The following LUC7L3 variants were observed in gnomAD, a reference collection of about 807,000 sequenced individuals.
The protein encoded by LUC7L3 is luc7-like protein 3.
LUC7L3 carries 6 observed loss-of-function variants against 66.8 expected under a neutral mutation model. That is an observed-to-expected ratio of 0.09 (90% CI 0.05 to 0.18). The LOEUF (loss-of-function observed/expected upper bound fraction) is 0.18. Among genes scored for constraint, LUC7L3 ranks in the 10% least tolerant of loss-of-function variants. LUC7L3 has a pLI of 1.00. For synonymous variants in LUC7L3, 160 were observed against 174.7 expected (o/e 0.92, Z 0.66); for missense variants, 341 against 531.1 (o/e 0.64, Z 3.52).
Position 50,736,823 on chromosome 17 carries a change from T to C in LUC7L3, c.100-137T>C, listed in dbSNP as rs1970014213. 4.8e-6 allele frequency: 3 copies of C among 626,118 alleles called. No individual in the cohort carries two copies. The South Asian group carries it at 5.8e-5, about 12-fold the overall frequency. The allele number at this position is 626,118 out of a possible 1,614,324, so 38.8% of individuals were successfully genotyped here. A position where few individuals can be genotyped will look rare whatever the true frequency, so the allele number is the denominator to read the frequency against. The stretch of plus-strand genomic sequence containing the variant: ...CTGAAAATCACTAATTTACCTAATA[T>C]GATTCAACAAATGAAATTCTTACAT... On this transcript the variant is annotated intron_variant, in intron 1 of 9. Coordinates refer to ENST00000505658, the MANE Select transcript of LUC7L3 (RefSeq NM_016424.5).
chr17:50,736,838 A>G, intron 1 of LUC7L3, 122 bp from the exon 2 acceptor site: 2 of 649,390 alleles, frequency 3.1e-6, no homozygotes, highest in Non-Finnish European at 5.4e-6. Flanking sequence ...CAACAAATGA[A>G]ATTCTTACAT....
rs1450231471 is a variant in LUC7L3, at chr17:50,756,139, T to C, written c.*5478T>C. On this transcript the variant is annotated 3_prime_UTR_variant, in exon 10 of 10. Coordinates refer to ENST00000505658, the MANE Select transcript of LUC7L3 (RefSeq NM_016424.5). ...TCTGTTTCTGAAGCCTGTGGGCATT[T>C]CCTTTTTTAATCTGTATGTTTATGT... 1.3e-5 allele frequency: 2 copies of C among 152,238 alleles called. No individual in the cohort carries two copies. The highest frequency in any genetic ancestry group is 2.9e-5 in the Non-Finnish European group (2 of 68,052). The allele number at this position is 152,238 out of a possible 1,614,324, so 9.4% of individuals were successfully genotyped here. A position where few individuals can be genotyped will look rare whatever the true frequency, so the allele number is the denominator to read the frequency against.
chr17:50,740,644 C>T (rs375961754), intron 3 of LUC7L3, among the ~76,000 whole-genome samples: 3 of 152,014 alleles, frequency 2.0e-5, no homozygotes, highest in African/African-American at 7.3e-5. Flanking sequence ...CTGCAACCTC[C>T]GCCTCCCAGG....
At position 50,735,130 on chromosome 17, in the gene LUC7L3, T is replaced by G. The variant is rs1331161013; in HGVS notation, c.100-1830T>G. On this transcript the variant is annotated intron_variant, in intron 1 of 9. Coordinates refer to ENST00000505658, the MANE Select transcript of LUC7L3 (RefSeq NM_016424.5). ...CTGTAATCCCAGCTACTTGGGAGGC[T>G]GAGGCAGGAGAATGGCCTGAGCCCA... 4.6e-5 allele frequency among the ~76,000 whole-genome samples: 7 copies of G among 150,982 alleles called. No individual in the cohort carries two copies. The East Asian group carries it at 1.4e-3, about 30-fold the overall frequency.
At chr17:50,736,882 AATAGTT>A (rs1261396726) in intron 1 of LUC7L3, 72 bp from the exon 2 acceptor site, 2 of 833,548 alleles carry the variant, frequency 2.4e-6, no homozygotes, top group African/African-American at 3.4e-5. Flanking sequence ...GAAATGAGAA[AATAGTT>A]ATTTGGCACC....
At chr17:50,742,964 C>T (rs905341956) in intron 5 of LUC7L3, among the ~76,000 whole-genome samples, 2 of 151,790 alleles carry the variant, frequency 1.3e-5, no homozygotes, top group Admixed American at 6.6e-5. Flanking sequence ...TGAAAGAAGC[C>T]GGACAAAAAA....
At chr17:50,721,509 T>TA (rs2146678814) in intron 1 of LUC7L3, among the ~76,000 whole-genome samples, 1 of 152,378 alleles carries the variant, frequency 6.6e-6, no homozygotes, top group Admixed American at 6.5e-5. Flanking sequence ...CAGTGTTTAT[T>TA]ACTAAAGTAT....
chr17:50,746,854 C>T (rs1378186717), intron 9 of LUC7L3, 152 bp downstream of exon 9: 1 of 585,448 alleles, frequency 1.7e-6, no homozygotes, highest in Non-Finnish European at 2.9e-6. Flanking sequence ...CATTCTTTCC[C>T]CCTCTCCTAC....
At chr17:50,722,191 CTTTTTTTTTTTTT>C (rs869286245) in intron 1 of LUC7L3, 1 of 63,712 alleles carries the variant, frequency 1.6e-5, no homozygotes, top group Non-Finnish European at 2.7e-5. Flanking sequence ...CTTATGCATT[CTTTTTTTTTTTTT>C]TTTTTTTTTT....
chr17:50,725,230 C>G (rs1028484630), intron 1 of LUC7L3, among the ~76,000 whole-genome samples: 2 of 151,930 alleles, frequency 1.3e-5, no homozygotes, highest in African/African-American at 4.8e-5. Context: ...GCCAACATGG[C>G]GAAACCCTGT....
chr17:50,750,240 T>C (rs1970915232), intron 9 of LUC7L3, among the ~76,000 whole-genome samples: 1 of 152,198 alleles, frequency 6.6e-6, no homozygotes, highest in Admixed American at 6.5e-5. Flanking sequence ...TTAAATATTA[T>C]ATTCTGCAAT....
chr17:50,746,479 A>C (rs1235055591), intron 8 of LUC7L3, 63 bp from the exon 9 acceptor site: 8 of 1,448,310 alleles, frequency 5.5e-6, no homozygotes, highest in Non-Finnish European at 7.6e-6. Flanking sequence ...AATAGCATCT[A>C]CTCCAAGGCC....
chr17:50,723,127 G>A (rs900372287), intron 1 of LUC7L3: 1 of 152,120 alleles, frequency 6.6e-6, no homozygotes, highest in African/African-American at 2.4e-5. Flanking sequence ...AAGTCTGATC[G>A]GGAGTTTTGT....
At chr17:50,729,835 C>T (rs939814331) in intron 1 of LUC7L3, among the ~76,000 whole-genome samples, 1 of 146,914 alleles carries the variant, frequency 6.8e-6, no homozygotes, top group Non-Finnish European at 1.5e-5. Flanking sequence ...TTTACTGTTT[C>T]CAACATGAGT....
At chr17:50,738,401 C>T (rs1339940267) in intron 2 of LUC7L3, among the ~76,000 whole-genome samples, 1 of 152,046 alleles carries the variant, frequency 6.6e-6, no homozygotes, top group Admixed American at 6.6e-5. Context: ...AAGAGATTAA[C>T]AAAACCAACA....
chr17:50,747,845 TGTGCTAGTGTTTGCCATTCAA>T (rs1446732398), intron 9 of LUC7L3, among the ~76,000 whole-genome samples: 2 of 152,222 alleles, frequency 1.3e-5, no homozygotes, highest in Non-Finnish European at 2.9e-5. Context: ...TCCTGCCAGA[TGTGCTAGTGTTTGCCATTCAA>T]GTTGAGAACT....
rs1022380216 is a variant in LUC7L3, at chr17:50,753,815, A to G, written c.*3154A>G. ...TTCTGCTCTGCCTCATCTAGAATCA[A>G]CGTCTAACTAACTTAAATGAAGTAT... On this transcript the variant is annotated 3_prime_UTR_variant, in exon 10 of 10. Transcript: ENST00000505658. 6.6e-6 allele frequency: 1 copy of G among 152,204 alleles called. No homozygotes were observed. The highest frequency in any genetic ancestry group is 1.5e-5 in the Non-Finnish European group (1 of 68,036). 9.4% of individuals were successfully genotyped at this position (152,204 alleles called of 1,614,324 possible). A position where few individuals can be genotyped will look rare whatever the true frequency, so the allele number is the denominator to read the frequency against.
At position 50,756,015 on chromosome 17, in the gene LUC7L3, A is replaced by ATT. The variant is rs1319234290; in HGVS notation, c.*5355_*5356insTT. On this transcript the variant is annotated 3_prime_UTR_variant, in exon 10 of 10. Coordinates refer to ENST00000505658, the MANE Select transcript of LUC7L3 (RefSeq NM_016424.5). ...TCAAAAACAGGCTGTCAAATACATG[A>ATT]TAAAAGGAAACGATTAAGACAAAAT... 3.3e-5 allele frequency: 5 copies of ATT among 152,234 alleles called. No homozygotes were observed. Among genetic ancestry groups the ATT allele is most frequent in the Non-Finnish European group, 7.3e-5 (5 of 68,056 alleles). 9.4% of individuals were successfully genotyped at this position (152,234 alleles called of 1,614,324 possible).
chr17:50,734,406 A>T (rs1969843842), intron 1 of LUC7L3, among the ~76,000 whole-genome samples: 1 of 152,166 alleles, frequency 6.6e-6, no homozygotes, highest in South Asian at 2.1e-4. Context: ...ACCTCAGGTG[A>T]TCCTCCCGCC....
Sources: allele counts gnomAD v4.1 joint callset (sites outside exome capture counted in the v4.1 genomes callset), GRCh38; gene constraint gnomAD v4.1.1; transcripts MANE v1.5; gene names NCBI Gene and HGNC (gene_info 2026-07-23, HGNC 2026-07-21).